Variants in DENND2B observed in about 807,000 individuals in gnomAD.
DENND2B encodes DENN domain containing 2B.
In DENND2B, 32 loss-of-function variants were observed where a neutral mutation model predicts 116.0. The ratio of observed to expected loss-of-function variants is 0.28; its 90% CI spans 0.21 to 0.37. DENND2B has a LOEUF of 0.37. Ranked by LOEUF, DENND2B falls within the 10% of genes least tolerant of loss-of-function variation. DENND2B has a pLI of 1.00. For synonymous variants in DENND2B, 588 were observed against 583.9 expected, an observed-to-expected ratio of 1.01 and a Z score of -0.10; for missense variants, 1,276 against 1,477.7, an observed-to-expected ratio of 0.86 and a Z score of 2.24.
intron 1 of DENND2B, among the ~76,000 whole-genome samples, chr11:8,771,353 G>A (rs1021553890): frequency 6.6e-6 from 1 of 151,838 alleles, no homozygotes; most frequent in Non-Finnish European, 1.5e-5. Flanking sequence ...TAGAGTATGG[G>A]GTATACAATC....
intron 8 of DENND2B, among the ~76,000 whole-genome samples, chr11:8,713,586 T>G (rs1255645559): frequency 6.6e-6 from 1 of 152,158 alleles, no homozygotes; most frequent in Non-Finnish European, 1.5e-5. Context: ...TTCACCATCT[T>G]AGCCAGGCTG....
chr11:8,793,570 T>C (rs549647060), intron 1 of DENND2B, among the ~76,000 whole-genome samples: 2 of 152,368 alleles, frequency 1.3e-5, no homozygotes, highest in South Asian at 2.1e-4. Context: ...ACTGTGTTTA[T>C]ACATTTTCTT....
Position 8,781,424 on chromosome 11 carries a change from C to T in DENND2B, c.-26+29093G>A, listed in dbSNP as rs150079991. ...TCTTCAGGGAAAAGCCAGCTTTTGG[C>T]TATAACAAAGAGGTAGGAATGTTCT... On this transcript the variant is annotated intron_variant, in intron 1 of 19. Transcript: ENST00000313726. Among the ~76,000 whole-genome samples the T allele has an allele frequency of 3.3e-5, 5 of 152,136 alleles. No homozygotes were observed. In the East Asian group the frequency reaches 9.7e-4, roughly 29 times the overall value.
intron 1 of DENND2B, among the ~76,000 whole-genome samples, chr11:8,792,094 A>C (rs1465201453): frequency 7.0e-6 from 1 of 142,210 alleles, no homozygotes; most frequent in East Asian, 2.0e-4. Flanking sequence ...AATCCCAGCT[A>C]CTTGGGAGGC....
intron 2 of DENND2B, chr11:8,870,794 C>G (rs960540352): frequency 1.3e-5 from 2 of 152,270 alleles, no homozygotes; most frequent in African/African-American, 2.4e-5. Context: ...CCACCAGCCC[C>G]GCTCCTCTGC....
At position 8,730,672 on chromosome 11, in the gene DENND2B, ACAGCCCAGGCTGGGG is replaced by A. The variant is rs2047971303; in HGVS notation, c.603_617del (p.Leu204_Ser208del). ...TGCAGGGGGACGGCACCACGCTGGG[ACAGCCCAGGCTGGGG>A]CAGCCCTCACTGGCCGCCCACTCGC... On this transcript the variant is annotated inframe_deletion, in exon 3 of 20. Coordinates refer to ENST00000313726, the MANE Select transcript of DENND2B (RefSeq NM_213618.2). The surrounding 1 kb of genome is among the most constrained non-coding windows in gnomAD (Gnocchi z 4.1). The A allele has an allele frequency of 4.3e-6, 7 of 1,612,256 alleles. No individual in the cohort carries two copies. Among genetic ancestry groups the A allele is most frequent in the South Asian group, 1.1e-5 (1 of 91,036 alleles).
upstream of DENND2B, among the ~76,000 whole-genome samples, chr11:8,812,679 G>A (rs1007902270): frequency 6.6e-6 from 1 of 152,110 alleles, no homozygotes; most frequent in African/African-American, 2.4e-5. Flanking sequence ...ATGTGCCATT[G>A]GGCAAGTCCC....
At chr11:8,763,189 T>C (rs541281111) in intron 1 of DENND2B, among the ~76,000 whole-genome samples, 72 of 152,336 alleles carry the variant, frequency 4.7e-4, no homozygotes, top group Middle Eastern at 3.4e-3. Flanking sequence ...TGAGATGTGA[T>C]ACCCATTAAC....
intron 3 of DENND2B, among the ~76,000 whole-genome samples, chr11:8,846,707 T>C (rs1002688134): frequency 6.6e-6 from 1 of 152,208 alleles, no homozygotes; most frequent in African/African-American, 2.4e-5. Context: ...TTGTTCTCCA[T>C]GCAGCCTCCT....
chr11:8,862,591 T>A (rs1306282664), intron 2 of DENND2B, among the ~76,000 whole-genome samples: 1 of 152,126 alleles, frequency 6.6e-6, no homozygotes, highest in East Asian at 1.9e-4. Context: ...TGCCATGGGC[T>A]CCCAGAGTGC....
rs2042723728 is a variant in DENND2B, at chr11:8,707,026, C to T, written c.2571+59G>A. 1.5e-5 allele frequency: 24 copies of T among 1,571,324 alleles called. No homozygotes were observed. Among genetic ancestry groups the T allele is most frequent in the Non-Finnish European group, 2.1e-5 (24 of 1,156,670 alleles). The stretch of plus-strand genomic sequence containing the variant: ...CCCCAAAGACTACGACCTTGGCCAG[C>T]ATGGTCCTCCTGCCACCCCAGCCCG... On this transcript the variant is annotated intron_variant, in intron 13 of 19. Coordinates refer to ENST00000313726, the MANE Select transcript of DENND2B (RefSeq NM_213618.2). The surrounding 1 kb of genome is among the most constrained non-coding windows in gnomAD (Gnocchi z 4.8).
intron 2 of DENND2B, among the ~76,000 whole-genome samples, chr11:8,748,241 G>C (rs982608772): frequency 7.9e-5 from 12 of 152,050 alleles, no homozygotes; most frequent in Non-Finnish European, 1.2e-4. Context: ...AATGATAAAA[G>C]GGCCCCAGGT....
intron 5 of DENND2B, 146 bp downstream of exon 5, chr11:8,717,595 C>A: frequency 1.1e-6 from 1 of 934,010 alleles, no homozygotes; most frequent in Non-Finnish European, 1.5e-6. Flanking sequence ...AGATCGGGCA[C>A]GTTCAGGGTG....
intron 3 of DENND2B, among the ~76,000 whole-genome samples, chr11:8,841,703 T>C (rs1345620183): frequency 6.6e-6 from 1 of 152,142 alleles, no homozygotes. Context: ...TTTCTCCCAT[T>C]TTCCTTCATT....
At chr11:8,759,351 A>AT (rs1470281816) in intron 1 of DENND2B, among the ~76,000 whole-genome samples, 2 of 152,204 alleles carry the variant, frequency 1.3e-5, no homozygotes, top group Non-Finnish European at 2.9e-5. Context: ...AGAGGAAGAA[A>AT]TGCAAGCATT....
At chr11:8,720,946 C>T (rs562910513) in intron 4 of DENND2B, among the ~76,000 whole-genome samples, 6 of 152,228 alleles carry the variant, frequency 3.9e-5, no homozygotes, top group African/African-American at 1.4e-4. Context: ...GAATGGGAGA[C>T]AGGGAGCCTG....
chr11:8,803,207 A>T (rs1169073480), intron 1 of DENND2B, among the ~76,000 whole-genome samples: 1 of 151,926 alleles, frequency 6.6e-6, no homozygotes, highest in Non-Finnish European at 1.5e-5. Context: ...CAACATGGTG[A>T]AACCCCGTCT....
chr11:8,776,146 G>GTGCACACACA (rs2057627269), intron 1 of DENND2B: 4 of 264,216 alleles, frequency 1.5e-5, no homozygotes, highest in African/African-American at 1.3e-4. Flanking sequence ...GCACGTGCGC[G>GTGCACACACA]CACGCGCGCG....
chr11:8,906,509 CAAAA>C (rs34773959), intron 1 of DENND2B, among the ~76,000 whole-genome samples: 98 of 124,362 alleles, frequency 7.9e-4, no homozygotes, highest in Non-Finnish European at 1.2e-3. Context: ...AAGAAGTCTT[CAAAA>C]AAAAAAAAAA....
Sources: allele counts gnomAD v4.1 joint callset (sites outside exome capture counted in the v4.1 genomes callset), GRCh38; gene constraint gnomAD v4.1.1; non-coding constraint Gnocchi (gnomAD v3.1); transcripts MANE v1.5; gene names NCBI Gene and HGNC (gene_info 2026-07-23, HGNC 2026-07-21).